The following BABAM2 variants were observed in gnomAD, a reference collection of about 807,000 sequenced individuals.
BABAM2 encodes BRISC and BRCA1-A complex member 2.
In BABAM2, 31 loss-of-function variants were observed where a neutral mutation model predicts 54.7. That is an observed-to-expected ratio of 0.57 (90% confidence interval 0.43 to 0.77). The LOEUF (loss-of-function observed/expected upper bound fraction) is 0.77. Among genes scored for constraint, BABAM2 ranks in the 30% least tolerant of loss-of-function variants. The pLI is 0.00. For synonymous variants in BABAM2, 167 were observed against 162.9 expected (o/e 1.03, Z -0.19); for missense variants, 364 against 455.8 (o/e 0.80, Z 1.83).
intron 2 of BABAM2, among the ~76,000 whole-genome samples, chr2:27,929,573 A>C (rs1427523943): frequency 1.3e-5 from 2 of 152,262 alleles, no homozygotes; most frequent in African/African-American, 4.8e-5. Flanking sequence ...CTTTGAGAAA[A>C]GTAGTTGAAG....
rs144438183 is a variant in BABAM2 at position 27,995,508 on chromosome 2, C to T, written c.300+7421C>T. Among the ~76,000 whole-genome samples, 961 of 152,226 alleles carry T rather than the reference C, an allele frequency of 6.3e-3. 7 individuals are homozygous for T. The highest frequency in any genetic ancestry group is 7.9e-3 in the Non-Finnish European group (534 of 68,000). ...AGAGGCAATAAATGAATGAATAGCA[C>T]AACTAGATAATGGCAAACTTATCTT... is the stretch of plus-strand genomic sequence containing the variant. On this transcript the variant is annotated intron_variant, in intron 4 of 11. Coordinates refer to ENST00000379624, the MANE Select transcript of BABAM2 (RefSeq NM_199191.3). This position sits in a 1 kb window ranked among gnomAD's most constrained non-coding sequence, Gnocchi z 4.1.
intron 5 of BABAM2, among the ~76,000 whole-genome samples, chr2:28,034,340 C>A (rs1676508775): frequency 6.6e-6 from 1 of 151,998 alleles, no homozygotes; most frequent in Admixed American, 6.6e-5. Context: ...GTTGTCTGGA[C>A]CTTGACACAA....
chr2:28,138,217 C>G lies in BABAM2; in HGVS notation c.680+8837C>G, dbSNP rs562380985. Among the ~76,000 whole-genome samples the G allele has an allele frequency of 1.9e-3, 283 of 152,178 alleles. 1 individual carries two copies. The highest frequency in any genetic ancestry group is 2.6e-3 in the Non-Finnish European group (176 of 67,998). ...TCAGAAAGTAGATGGGAAAATGCCC[C>G]CAGGATGTCCCAGAACTGATGGAAG... On this transcript the variant is annotated intron_variant, in intron 7 of 11. Transcript: ENST00000379624.
chr2:28,120,854 GTTAAAC>G (rs1396480766), intron 6 of BABAM2, among the ~76,000 whole-genome samples: 1 of 152,174 alleles, frequency 6.6e-6, no homozygotes, highest in East Asian at 1.9e-4. Flanking sequence ...TACAAAAAGA[GTTAAAC>G]TTAAAGCCAC....
At chr2:28,236,398 G>GT (rs1366246868) in intron 7 of BABAM2, among the ~76,000 whole-genome samples, 1 of 141,784 alleles carries the variant, frequency 7.1e-6, no homozygotes, top group Non-Finnish European at 1.5e-5. Context: ...GAGTCTCACT[G>GT]TATCGCCCGT....
At chr2:27,951,053 G>T (rs1188709022) in intron 3 of BABAM2, among the ~76,000 whole-genome samples, 4 of 152,150 alleles carry the variant, frequency 2.6e-5, no homozygotes, top group African/African-American at 9.6e-5. Context: ...TTCTTTGCCA[G>T]TCTGGCTAGT....
At chr2:28,054,858 A>G (rs937288004) in intron 6 of BABAM2, among the ~76,000 whole-genome samples, 4 of 152,230 alleles carry the variant, frequency 2.6e-5, no homozygotes, top group African/African-American at 9.6e-5. Context: ...TAATGAGATA[A>G]TAAATATGAT....
In BABAM2 at chr2:28,106,050, T is replaced by C. The variant is rs1667497144; in HGVS notation, c.571-23221T>C. 2.0e-5 allele frequency among the ~76,000 whole-genome samples: 3 copies of C among 151,962 alleles called. No individual in the cohort carries two copies. The South Asian group carries it at 6.2e-4, about 32-fold the overall frequency. ...CAATAAAAGCACTTTTAAAAAACCA[T>C]TTGAGACTAAGTTGCTGGTGTGATG... On this transcript the variant is annotated intron_variant, in intron 6 of 11. Transcript: ENST00000379624.
At chr2:28,285,948 A>G (rs915529156) in intron 10 of BABAM2, among the ~76,000 whole-genome samples, 7 of 151,020 alleles carry the variant, frequency 4.6e-5, no homozygotes, top group Non-Finnish European at 1.0e-4. Context: ...CTACTAACGA[A>G]TAATAACTTT....
chr2:28,105,467 T>C (rs1667441641), intron 6 of BABAM2, among the ~76,000 whole-genome samples: 1 of 152,152 alleles, frequency 6.6e-6, no homozygotes, highest in Admixed American at 6.5e-5. Flanking sequence ...CCTAGGGAGC[T>C]ACTGGATTGC....
At chr2:28,122,632 T>C (rs545795697) in intron 6 of BABAM2, among the ~76,000 whole-genome samples, 150 of 152,336 alleles carry the variant, frequency 9.8e-4, no homozygotes, top group African/African-American at 3.5e-3. Context: ...ATTAGTTAAT[T>C]GGTAGTTTGT....
At chr2:28,275,045 C>T (rs968779488) in intron 10 of BABAM2, among the ~76,000 whole-genome samples, 6 of 152,216 alleles carry the variant, frequency 3.9e-5, no homozygotes, top group South Asian at 4.2e-4. Flanking sequence ...GAATACTAGT[C>T]GGGAGGGATT....
chr2:28,026,896 AAATATATATAAATATATATT>A lies in BABAM2; in HGVS notation c.495+1496_495+1515del, dbSNP rs1185219587. On this transcript the variant is annotated intron_variant, in intron 5 of 11. Transcript: ENST00000379624. The stretch of plus-strand genomic sequence containing the variant: ...TATTTATATATATATAGATATATAT[AAATATATATAAATATATATT>A]AATATATATAAATATATATATAAAT... Among the ~76,000 whole-genome samples the A allele has an allele frequency of 5.5e-4, 15 of 27,144 alleles. 1 individual carries two copies. Among genetic ancestry groups the A allele is most frequent in the South Asian group, 1.7e-3 (1 of 576 alleles). 17.8% of individuals were successfully genotyped at this position (27,144 alleles called of 152,430 possible). A position where few individuals can be genotyped will look rare whatever the true frequency, so the allele number is the denominator to read the frequency against.
At chr2:28,213,386 G>A (rs1361702414) in intron 7 of BABAM2, among the ~76,000 whole-genome samples, 1 of 152,004 alleles carries the variant, frequency 6.6e-6, no homozygotes, top group Admixed American at 6.5e-5. Context: ...AAATAGAGGC[G>A]TTTGCCTACC....
chr2:28,186,808 A>AT (rs34747084), intron 7 of BABAM2, among the ~76,000 whole-genome samples: 2,302 of 144,146 alleles, frequency 0.016, 54 homozygotes, highest in African/African-American at 0.054. Context: ...GGAATTCAAC[A>AT]TTTTTTTTTT....
chr2:28,148,768 C>T (rs1399563727), intron 7 of BABAM2, among the ~76,000 whole-genome samples: 1 of 152,226 alleles, frequency 6.6e-6, no homozygotes, highest in African/African-American at 2.4e-5. Context: ...CCTGGAACAG[C>T]ACTAAGCAAC....
chr2:28,177,258 C>T (rs143449283), intron 7 of BABAM2, among the ~76,000 whole-genome samples: 4 of 149,226 alleles, frequency 2.7e-5, no homozygotes, highest in African/African-American at 7.4e-5. Context: ...ATTCGAAGTA[C>T]TGAAAGAAAA....
At chr2:27,934,537 C>T (rs961789152) in intron 3 of BABAM2, among the ~76,000 whole-genome samples, 1 of 152,178 alleles carries the variant, frequency 6.6e-6, no homozygotes, top group South Asian at 2.1e-4. Flanking sequence ...GAGTCCCACA[C>T]CTCTCACTTT....
At chr2:28,143,172 C>T (rs994039496) in intron 7 of BABAM2, among the ~76,000 whole-genome samples, 2 of 151,702 alleles carry the variant, frequency 1.3e-5, no homozygotes, top group Non-Finnish European at 2.9e-5. Flanking sequence ...AAACAATGGA[C>T]TAGTATTCAG....
Sources: gnomAD v4.1 joint callset for allele counts (sites outside exome capture counted in the v4.1 genomes callset) on GRCh38, gnomAD v4.1.1 for gene constraint, Gnocchi (gnomAD v3.1) non-coding constraint, MANE v1.5 for transcripts, NCBI Gene and HGNC (gene_info 2026-07-23, HGNC 2026-07-21) for gene names.